Variants in GCA observed in about 807,000 individuals in gnomAD.
GCA encodes grancalcin.
Under a neutral mutation model 32.6 loss-of-function variants are expected in GCA, and 30 were observed. The ratio of observed to expected loss-of-function variants is 0.92; its 90% CI spans 0.69 to 1.25. The LOEUF (loss-of-function observed/expected upper bound fraction) is 1.25. Ranked by LOEUF, GCA falls within the 50% of genes most tolerant of loss-of-function variation. The pLI, the probability that GCA is intolerant of heterozygous loss-of-function variation, is 0.00. For missense variants in GCA, 291 were observed against 266.8 expected, an observed-to-expected ratio of 1.09 and a Z score of -0.63; for synonymous variants, 102 against 84.6, an observed-to-expected ratio of 1.21 and a Z score of -1.13.
Position 162,362,688 on chromosome 2 carries a change from T to C in GCA, c.*2445T>C, listed in dbSNP as rs373567458. On this transcript the variant is annotated 3_prime_UTR_variant, in exon 8 of 8. Transcript: ENST00000437150. ...TACATATATATATATTATGAGATGC[T>C]TCAGTTCAAATAACAGTGCAGTAAT... is the stretch of plus-strand genomic sequence containing the variant. The C allele has an allele frequency of 5.9e-5, 29 of 488,128 alleles. No homozygotes were observed. The East Asian group carries it at 1.8e-3, about 31-fold the overall frequency. 30.2% of individuals were successfully genotyped at this position (488,128 alleles called of 1,614,324 possible). A position where few individuals can be genotyped will look rare whatever the true frequency, so the allele number is the denominator to read the frequency against.
At chr2:162,367,231 C>T (rs959650057), downstream of GCA, among the ~76,000 whole-genome samples, 3 of 151,852 alleles carry the variant, frequency 2.0e-5, no homozygotes, top group African/African-American at 7.3e-5. Context: ...CTGCCATTTC[C>T]ACCGTTCCGC....
chr2:162,333,089 A>G (rs1423889695), intron 1 of GCA, among the ~76,000 whole-genome samples: 1 of 152,108 alleles, frequency 6.6e-6, no homozygotes, highest in Non-Finnish European at 1.5e-5. Context: ...ATACACCCAA[A>G]AAGTTGCAAG....
Position 162,352,373 on chromosome 2 carries a change from T to C in GCA, c.228T>C (p.Cys76=), listed in dbSNP as rs1240574544. The C allele has an allele frequency of 6.3e-7, 1 of 1,595,026 alleles. No homozygotes were observed. The highest frequency in any genetic ancestry group is 8.6e-7 in the Non-Finnish European group (1 of 1,162,776). The part of the protein sequence containing the change: ...GEVDAEELQR[C]LTQSGINGTY... ...TGGATGCTGAAGAACTTCAGAGATG[T>C]TTGACACAGTCTGGAATTAATGGAA... Residue 76 remains cysteine, a synonymous_variant, in exon 3 of 8, where the codon TGT becomes TGC. Coordinates refer to ENST00000437150, the MANE Select transcript of GCA (RefSeq NM_012198.5).
intron 3 of GCA, among the ~76,000 whole-genome samples, chr2:162,354,078 A>G (rs984081571): frequency 2.6e-5 from 4 of 152,034 alleles, no homozygotes; most frequent in African/African-American, 7.2e-5. Context: ...TTCTTCCTAT[A>G]TAACCTTTGT....
chr2:162,334,293 G>C (rs1381061705), intron 1 of GCA, among the ~76,000 whole-genome samples: 1 of 152,034 alleles, frequency 6.6e-6, no homozygotes, highest in Admixed American at 6.5e-5. Context: ...AACAGAAAAG[G>C]GAGATAATCT....
At chr2:162,328,483 A>G (rs1447489671) in intron 1 of GCA, among the ~76,000 whole-genome samples, 1 of 152,168 alleles carries the variant, frequency 6.6e-6, no homozygotes, top group Non-Finnish European at 1.5e-5. Context: ...GCATTCACTC[A>G]CACTCACCTT....
chr2:162,360,140 C>A, intron 7 of GCA, 77 bp from the exon 8 acceptor site: 6 of 885,382 alleles, frequency 6.8e-6, no homozygotes, highest in Middle Eastern at 3.3e-4. Context: ...AGAAAATGCT[C>A]TTATGGAATA....
At chr2:162,369,825 C>T (rs765905530) in intron 4 of GCA, among the ~76,000 whole-genome samples, 36 of 152,042 alleles carry the variant, frequency 2.4e-4, no homozygotes, top group Non-Finnish European at 5.1e-4. Flanking sequence ...CTTTCTCTTC[C>T]CTGCTAGGCA....
chr2:162,345,504 AC>A (rs748589099), intron 1 of GCA, among the ~76,000 whole-genome samples: 64 of 152,196 alleles, frequency 4.2e-4, no homozygotes, highest in Admixed American at 7.2e-4. Context: ...CAAGAGTAAT[AC>A]ATTTTCATTC....
chr2:162,344,245 C>T lies in GCA; in HGVS notation c.-4C>T, dbSNP rs372697444. On this transcript the variant is annotated 5_prime_UTR_variant, in exon 1 of 8. Coordinates refer to ENST00000437150, the MANE Select transcript of GCA (RefSeq NM_012198.5). ...TGACGCTCGCTCCGCTCGTCCCGCTCGTCATGGCCTACCCGGGATACGGAG... is the reference window on the plus strand; with the variant it reads ...TGACGCTCGCTCCGCTCGTCCCGCTTGTCATGGCCTACCCGGGATACGGAG... 86 of 1,613,574 alleles carry T rather than the reference C, an allele frequency of 5.3e-5. No individual in the cohort carries two copies. The highest frequency in any genetic ancestry group is 6.9e-5 in the Non-Finnish European group (82 of 1,179,868).
At chr2:162,371,213 G>T in intron 4 of GCA, 2 of 467,710 alleles carry the variant, frequency 4.3e-6, no homozygotes, top group Non-Finnish European at 3.9e-6. Context: ...AAAGACCTTT[G>T]TTCTCATTAC....
At chr2:162,329,313 A>T (rs775260423) in intron 1 of GCA, among the ~76,000 whole-genome samples, 17 of 152,168 alleles carry the variant, frequency 1.1e-4, no homozygotes, top group Non-Finnish European at 1.9e-4. Flanking sequence ...ATTATAATTG[A>T]AAAAGTCTTA....
At chr2:162,347,219 T>C (rs1298935495) in intron 1 of GCA, among the ~76,000 whole-genome samples, 2 of 152,246 alleles carry the variant, frequency 1.3e-5, no homozygotes, top group African/African-American at 4.8e-5. Context: ...TCTTGAGGTT[T>C]ACTTCTTAGT....
intron 1 of GCA, 37 bp from the exon 2 acceptor site, chr2:162,347,540 AT>A: frequency 1.6e-5 from 22 of 1,360,844 alleles, no homozygotes; most frequent in Non-Finnish European, 1.9e-5. Flanking sequence ...AATAGGTAGT[AT>A]TTATATTACT....
Position 162,361,936 on chromosome 2 carries a change from C to T in GCA, c.*1693C>T, listed in dbSNP as rs1027919751. 5 of 984,006 alleles carry T rather than the reference C, an allele frequency of 5.1e-6. No individual in the cohort carries two copies. The highest frequency in any genetic ancestry group is 5.2e-4 in the Middle Eastern group (1 of 1,934). 61.0% of individuals were successfully genotyped at this position (984,006 alleles called of 1,614,324 possible). ...GGTCGTTACTGAACTATTCTGCGGT[C>T]GATTATGATTATCTCTCTTACTTGG... On this transcript the variant is annotated 3_prime_UTR_variant, in exon 8 of 8. Transcript: ENST00000437150.
At chr2:162,334,074 T>TGCCTTTCTCAGAAAGGTGTAAGTGGGAAA (rs2105280193) in intron 1 of GCA, among the ~76,000 whole-genome samples, 1 of 152,316 alleles carries the variant, frequency 6.6e-6, no homozygotes, top group East Asian at 1.9e-4. Context: ...GTCTTATCCA[T>TGCCTTTCTCAGAAAGGTGTAAGTGGGAAA]GCCTTTCTCA....
At chr2:162,344,455 G>A in intron 1 of GCA, 180 bp downstream of exon 1, 1 of 614,382 alleles carries the variant, frequency 1.6e-6, no homozygotes, top group Non-Finnish European at 2.9e-6. Flanking sequence ...ATCCTGGGCT[G>A]ACTTGGAGCC....
intron 1 of GCA, among the ~76,000 whole-genome samples, chr2:162,337,538 C>T (rs1321993331): frequency 1.3e-5 from 2 of 152,132 alleles, no homozygotes; most frequent in African/African-American, 4.8e-5. Flanking sequence ...GTGGCAGCAG[C>T]AGCAACTGAG....
At chr2:162,331,040 T>TA (rs887189355) in intron 1 of GCA, among the ~76,000 whole-genome samples, 4 of 152,238 alleles carry the variant, frequency 2.6e-5, no homozygotes, top group African/African-American at 9.6e-5. Flanking sequence ...AAAGCTTACC[T>TA]AACATACTTA....
Sources: allele counts gnomAD v4.1 joint callset (sites outside exome capture counted in the v4.1 genomes callset), GRCh38; gene constraint gnomAD v4.1.1; transcripts MANE v1.5; gene names NCBI Gene and HGNC (gene_info 2026-07-23, HGNC 2026-07-21).